Variants in PIEZO2 observed in about 807,000 individuals in gnomAD.
PIEZO2 encodes piezo-type mechanosensitive ion channel component 2.
Under a neutral mutation model 337.3 loss-of-function variants are expected in PIEZO2, and 172 were observed. The observed-to-expected ratio is 0.51, with a 90% CI of 0.45 to 0.58. PIEZO2 has a LOEUF of 0.58. Among genes scored for constraint, PIEZO2 ranks in the 20% least tolerant of loss-of-function variants. The pLI, the probability that PIEZO2 is intolerant of heterozygous loss-of-function variation, is 0.00. For synonymous variants in PIEZO2, 1,251 were observed against 1,228.5 expected (o/e 1.02, Z -0.38); for missense variants, 3,028 against 3,391.3 (o/e 0.89, Z 2.66).
chr18:10,763,131 A>T (rs180971787), intron 21 of PIEZO2, 33 bp from the exon 22 acceptor site: 14 of 1,528,572 alleles, frequency 9.2e-6, no homozygotes, highest in African/African-American at 4.1e-5. Flanking sequence ...GGGGACAAAA[A>T]TACGTAACAC....
Position 10,670,268 on chromosome 18 carries a change from A to AT in PIEZO2, c.*1258dup, listed in dbSNP as rs1273046576. On this transcript the variant is annotated 3_prime_UTR_variant, in exon 56 of 56. Transcript: ENST00000674853. ...AAAATGACTTTGCAGGATGTGCTTTATTTTAAGTCAGCCCTGAACCCAAAC... is the reference window on the plus strand; with the variant it reads ...AAAATGACTTTGCAGGATGTGCTTTATTTTTAAGTCAGCCCTGAACCCAAAC... 6.6e-6 allele frequency: 1 copy of AT among 152,154 alleles called. No individual in the cohort carries two copies. The highest frequency in any genetic ancestry group is 1.5e-5 in the Non-Finnish European group (1 of 68,010). The allele number at this position is 152,154 out of a possible 1,614,324, so 9.4% of individuals were successfully genotyped here. A position where few individuals can be genotyped will look rare whatever the true frequency, so the allele number is the denominator to read the frequency against.
At chr18:10,941,070 A>C (rs574176948) in intron 3 of PIEZO2, among the ~76,000 whole-genome samples, 1 of 152,278 alleles carries the variant, frequency 6.6e-6, no homozygotes, top group South Asian at 2.1e-4. Flanking sequence ...TTGTCTCAAA[A>C]TTTAAACATC....
chr18:11,065,826 T>C (rs2038128620), intron 2 of PIEZO2, among the ~76,000 whole-genome samples: 1 of 152,244 alleles, frequency 6.6e-6, no homozygotes, highest in African/African-American at 2.4e-5. Flanking sequence ...TCTTATTTTA[T>C]TGACAATACT....
intron 7 of PIEZO2, among the ~76,000 whole-genome samples, chr18:10,816,601 T>G (rs2040370563): frequency 1.3e-5 from 2 of 152,174 alleles, no homozygotes; most frequent in Admixed American, 6.5e-5. Flanking sequence ...GGGCAACACC[T>G]AAATACCCAA....
intron 4 of PIEZO2, chr18:10,908,650 C>T (rs412868): frequency 0.61 from 91,900 of 151,462 alleles, 27,962 homozygotes; most frequent in East Asian, 0.79. Context: ...GGCCCTTAAA[C>T]GAGAAAACCT....
At chr18:11,135,420 G>A (rs562622266) in intron 1 of PIEZO2, among the ~76,000 whole-genome samples, 2 of 152,280 alleles carry the variant, frequency 1.3e-5, no homozygotes, top group African/African-American at 2.4e-5. Context: ...ATTTTAAAAA[G>A]CAACTGAAAG....
intron 5 of PIEZO2, among the ~76,000 whole-genome samples, chr18:10,858,264 A>G (rs1243696689): frequency 7.1e-6 from 1 of 140,686 alleles, no homozygotes; most frequent in Non-Finnish European, 1.5e-5. Context: ...CGGAGGTTGC[A>G]GTGAGCCGAG....
At chr18:11,123,563 C>A (rs948194525) in intron 1 of PIEZO2, among the ~76,000 whole-genome samples, 1 of 152,148 alleles carries the variant, frequency 6.6e-6, no homozygotes, top group South Asian at 2.1e-4. Flanking sequence ...AATCCCAGCA[C>A]TTTGGGAGGC....
At chr18:10,947,532 A>C (rs984044106) in intron 3 of PIEZO2, among the ~76,000 whole-genome samples, 1 of 152,190 alleles carries the variant, frequency 6.6e-6, no homozygotes, top group South Asian at 2.1e-4. Context: ...AATAGAAGAA[A>C]ACTAAAATGC....
rs2038363663 is a variant in PIEZO2, at chr18:10,766,498, C to CA, written c.2947-3401dup. On this transcript the variant is annotated intron_variant, in intron 21 of 55. Transcript: ENST00000674853. This position sits in a 1 kb window ranked among gnomAD's most constrained non-coding sequence, Gnocchi z 6.1. ...ACAGTTTTATGCAATAGTGCTTTCC[C>CA]AAAAAAGCCCTGTACACAGGTTGTC... 1.3e-5 allele frequency among the ~76,000 whole-genome samples: 2 copies of CA among 152,224 alleles called. No homozygotes were observed. Among genetic ancestry groups the CA allele is most frequent in the South Asian group, 4.1e-4 (2 of 4,824 alleles).
In PIEZO2 at chr18:10,952,549, C is replaced by T. The variant is rs2033343114; in HGVS notation, c.286+26986G>A. Reference sequence around the variant, plus strand: ...TCTTGCATGTACCCATAGTTTGTTGCTTTCTATTGTTGACCTGTGTAGTCC... The same window carrying T: ...TCTTGCATGTACCCATAGTTTGTTGTTTTCTATTGTTGACCTGTGTAGTCC... On this transcript the variant is annotated intron_variant, in intron 3 of 55. Coordinates refer to ENST00000674853, the MANE Select transcript of PIEZO2 (RefSeq NM_001378183.1). This position sits in a 1 kb window ranked among gnomAD's most constrained non-coding sequence, Gnocchi z 4.1. 6.6e-6 allele frequency among the ~76,000 whole-genome samples: 1 copy of T among 152,174 alleles called. No homozygotes were observed. The highest frequency in any genetic ancestry group is 2.4e-5 in the African/African-American group (1 of 41,446).
intron 21 of PIEZO2, among the ~76,000 whole-genome samples, chr18:10,765,611 G>A (rs1240435621): frequency 1.3e-5 from 2 of 152,204 alleles, no homozygotes; most frequent in African/African-American, 4.8e-5. Context: ...GAGTGAGTAG[G>A]ACACCTGAAA....
intron 2 of PIEZO2, among the ~76,000 whole-genome samples, chr18:11,029,828 C>T (rs75626622): frequency 0.011 from 1,645 of 152,280 alleles, 7 homozygotes; most frequent in Non-Finnish European, 0.015. Context: ...GACCCTTCCA[C>T]CACTTGTTCC....
intron 7 of PIEZO2, among the ~76,000 whole-genome samples, chr18:10,845,869 A>AT (rs1224975671): frequency 6.6e-6 from 1 of 152,198 alleles, no homozygotes; most frequent in Non-Finnish European, 1.5e-5. Context: ...AAAGCCCATC[A>AT]TTTTTCTAAA....
In PIEZO2 at chr18:10,716,535, G is replaced by A. The variant is rs1042877034; in HGVS notation, c.5090-719C>T. 2.0e-4 allele frequency among the ~76,000 whole-genome samples: 31 copies of A among 152,170 alleles called. No individual in the cohort carries two copies. Among genetic ancestry groups the A allele is most frequent in the African/African-American group, 7.2e-4 (30 of 41,428 alleles). On this transcript the variant is annotated intron_variant, in intron 37 of 55. Transcript: ENST00000674853. The surrounding 1 kb of genome is among the most constrained non-coding windows in gnomAD (Gnocchi z 4.1). ...ATTTAAGAAGCAAGGAAAAGAGCGG[G>A]TATCTTTTGCTGAGCAAGGAGGCAC...
rs2039575122 is a variant in PIEZO2 at position 10,795,769 on chromosome 18, G to T, written c.1528-767C>A. On this transcript the variant is annotated intron_variant, in intron 12 of 55. Coordinates refer to ENST00000674853, the MANE Select transcript of PIEZO2 (RefSeq NM_001378183.1). This position sits in a 1 kb window ranked among gnomAD's most constrained non-coding sequence, Gnocchi z 4.4. Reference sequence around the variant, plus strand: ...TAGGTTCTGTGTCCCTTGAGTTAAAGAATATTTTTATTTTTATCATCAAAG... The same window carrying T: ...TAGGTTCTGTGTCCCTTGAGTTAAATAATATTTTTATTTTTATCATCAAAG... Among the ~76,000 whole-genome samples the T allele has an allele frequency of 6.6e-6, 1 of 152,072 alleles. No homozygotes were observed. Among genetic ancestry groups the T allele is most frequent in the South Asian group, 2.1e-4 (1 of 4,832 alleles).
At chr18:10,959,450 T>C (rs1168360377) in intron 3 of PIEZO2, among the ~76,000 whole-genome samples, 1 of 152,174 alleles carries the variant, frequency 6.6e-6, no homozygotes, top group Non-Finnish European at 1.5e-5. Flanking sequence ...TAATAATACA[T>C]CAAAAAATCA....
chr18:11,125,041 T>C lies in PIEZO2; in HGVS notation c.64+23484A>G, dbSNP rs2040144108. Among the ~76,000 whole-genome samples the C allele has an allele frequency of 6.6e-6, 1 of 152,194 alleles. No individual in the cohort carries two copies. The highest frequency in any genetic ancestry group is 1.5e-5 in the Non-Finnish European group (1 of 68,030). On this transcript the variant is annotated intron_variant, in intron 1 of 55. Coordinates refer to ENST00000674853, the MANE Select transcript of PIEZO2 (RefSeq NM_001378183.1). The surrounding 1 kb of genome is among the most constrained non-coding windows in gnomAD (Gnocchi z 4.4). ...CAAAATAAAAGTTAGATAATTTTTCTGAGTTTCTATTTTCTCATGTAAAAC... is the reference window on the plus strand; with the variant it reads ...CAAAATAAAAGTTAGATAATTTTTCCGAGTTTCTATTTTCTCATGTAAAAC...
In PIEZO2 at chr18:11,035,841, G is replaced by A. The variant is rs189399417; in HGVS notation, c.160+30286C>T. Among the ~76,000 whole-genome samples the A allele has an allele frequency of 3.3e-5, 5 of 152,330 alleles. No homozygotes were observed. The highest frequency in any genetic ancestry group is 7.3e-5 in the Non-Finnish European group (5 of 68,040). Reference sequence around the variant, plus strand: ...ACTCTGACTCTTAAAGCCCATGGGTGTCTCCCCTAATGAACAGCAAATAAT... The same window carrying A: ...ACTCTGACTCTTAAAGCCCATGGGTATCTCCCCTAATGAACAGCAAATAAT... On this transcript the variant is annotated intron_variant, in intron 2 of 55. Coordinates refer to ENST00000674853, the MANE Select transcript of PIEZO2 (RefSeq NM_001378183.1). The surrounding 1 kb of genome is among the most constrained non-coding windows in gnomAD (Gnocchi z 4.3).
Sources: allele counts gnomAD v4.1 joint callset (sites outside exome capture counted in the v4.1 genomes callset), GRCh38; gene constraint gnomAD v4.1.1; non-coding constraint Gnocchi (gnomAD v3.1); transcripts MANE v1.5; gene names NCBI Gene and HGNC (gene_info 2026-07-23, HGNC 2026-07-21).